Variants in ZNF738 observed in about 807,000 individuals in gnomAD.
ZNF738 encodes the protein zinc finger protein 738.
ZNF738 carries 10 observed loss-of-function variants against 9.2 expected under a neutral mutation model. The observed-to-expected ratio is 1.09, with a 90% CI of 0.67 to 1.85. The LOEUF is 1.85. Among genes scored for constraint, ZNF738 ranks in the 40% most tolerant of loss-of-function variants. The probability of loss-of-function intolerance (pLI) is 0.00; values close to 1 mark genes in which losing one functional copy is unlikely to be tolerated. For missense variants in ZNF738, 346 were observed against 283.6 expected (o/e 1.22, Z -1.58); for synonymous variants, 113 against 94.5 (o/e 1.20, Z -1.14).
At chr19:21,369,816 CT>C (rs548346186) in intron 2 of ZNF738, among the ~76,000 whole-genome samples, 488 of 138,072 alleles carry the variant, frequency 3.5e-3, no homozygotes, top group Middle Eastern at 7.6e-3. Context: ...CAGCTTCATT[CT>C]TTTTTTTTTT....
At chr19:21,359,336 G>A (rs1053113441) in intron 1 of ZNF738, among the ~76,000 whole-genome samples, 193 bp downstream of exon 1, 1 of 152,188 alleles carries the variant, frequency 6.6e-6, no homozygotes, top group Admixed American at 6.5e-5. Context: ...GCCCCCGGGC[G>A]TCCTGTCTCT....
chr19:21,375,816 A>T lies in ZNF738; in HGVS notation c.224-53A>T. ...CTCTTTACTAAGCACAGTAATAGGT[A>T]GGTAATTAGAGAATATGAGCAAGAT... is the stretch of plus-strand genomic sequence containing the variant. On this transcript the variant is annotated intron_variant, in intron 3 of 4. Coordinates refer to ENST00000683779, the MANE Select transcript of ZNF738 (RefSeq NM_001355237.2). The T allele has an allele frequency of 5.3e-6, 4 of 750,778 alleles. No homozygotes were observed. In the South Asian group the frequency reaches 5.7e-5, roughly 11 times the overall value. The allele number at this position is 750,778 out of a possible 1,614,324, so 46.5% of individuals were successfully genotyped here. A position where few individuals can be genotyped will look rare whatever the true frequency, so the allele number is the denominator to read the frequency against.
intron 2 of ZNF738, chr19:21,372,157 G>A (rs1425120122): frequency 6.6e-6 from 1 of 152,058 alleles, no homozygotes; most frequent in Non-Finnish European, 1.5e-5. Context: ...GGTCAGGCTG[G>A]TCTTGAACTC....
chr19:21,380,694 A>G (rs1162000051), intron 4 of ZNF738, among the ~76,000 whole-genome samples: 2 of 152,214 alleles, frequency 1.3e-5, no homozygotes, highest in African/African-American at 2.4e-5. Context: ...TTTGCCCGGT[A>G]CTATTATAGG....
chr19:21,388,083 T>C lies in ZNF738; in HGVS notation c.*4409T>C, dbSNP rs1974088404. ...ATATAAGGAACTGACACTGCAGATA[T>C]ACTAAGTCAAGAGTTCTGAGTATAG... On this transcript the variant is annotated 3_prime_UTR_variant, in exon 5 of 5. Coordinates refer to ENST00000683779, the MANE Select transcript of ZNF738 (RefSeq NM_001355237.2). 1.3e-5 allele frequency among the ~76,000 whole-genome samples: 2 copies of C among 152,154 alleles called. No homozygotes were observed. Among genetic ancestry groups the C allele is most frequent in the Admixed American group, 1.3e-4 (2 of 15,270 alleles).
Position 21,377,350 on chromosome 19 carries a change from CACTT to C in ZNF738, c.319+1390_319+1393del, listed in dbSNP as rs1228939527. The C allele has an allele frequency of 4.6e-6, 3 of 650,384 alleles. No homozygotes were observed. The East Asian group carries it at 8.5e-5, about 18-fold the overall frequency. The allele number at this position is 650,384 out of a possible 1,614,324, so 40.3% of individuals were successfully genotyped here. On this transcript the variant is annotated intron_variant, in intron 4 of 4. Coordinates refer to ENST00000683779, the MANE Select transcript of ZNF738 (RefSeq NM_001355237.2). The stretch of plus-strand genomic sequence containing the variant: ...TTATACTGCCTTCAGTTCCTCTCTT[CACTT>C]ACTAATATTCTGTCTTGTTTTATTT...
In ZNF738 at chr19:21,383,572, A is replaced by C; in HGVS notation, c.1026A>C (p.Lys342Asn). 9.7e-7 allele frequency: 1 copy of C among 1,029,124 alleles called. No individual in the cohort carries two copies. Among genetic ancestry groups the C allele is most frequent in the Non-Finnish European group, 1.5e-6 (1 of 664,176 alleles). The allele number at this position is 1,029,124 out of a possible 1,614,324, so 63.7% of individuals were successfully genotyped here. ...ATAAGATAATTCATACTGGAGAGAA[A>C]CCCTACAAATGTGAGGAATGTGGCA... ...TKHKIIHTGE[K>N]PYKCEECGKA... is the part of the protein sequence containing the mutation. Residue 342 changes from lysine to asparagine, a missense_variant, in exon 5 of 5, where the codon AAA (lysine) becomes AAC (asparagine). By Grantham distance (94) the Lys-to-Asn change is moderately conservative (BLOSUM62 0). Coordinates refer to ENST00000683779, the MANE Select transcript of ZNF738 (RefSeq NM_001355237.2).
intron 4 of ZNF738, chr19:21,381,128 A>T (rs1279343988): frequency 2.6e-6 from 2 of 782,584 alleles, no homozygotes; most frequent in Non-Finnish European, 4.2e-6. Context: ...GCAGCAGCAC[A>T]TTAAGCACGT....
In ZNF738 at chr19:21,387,910, A is replaced by G. The variant is rs1177232433; in HGVS notation, c.*4236A>G. ...TATATTGGAAAAGTGTCTTGCAGAT[A>G]TAATAAATGTGGAAAAACACTTTTT... On this transcript the variant is annotated 3_prime_UTR_variant, in exon 5 of 5. Coordinates refer to ENST00000683779, the MANE Select transcript of ZNF738 (RefSeq NM_001355237.2). Among the ~76,000 whole-genome samples, 1 of 152,222 alleles carries G rather than the reference A, an allele frequency of 6.6e-6. No homozygotes were observed. Among genetic ancestry groups the G allele is most frequent in the African/African-American group, 2.4e-5 (1 of 41,470 alleles).
At chr19:21,362,389 TAAGAACTTGC>T (rs1161542784) in intron 2 of ZNF738, among the ~76,000 whole-genome samples, 1 of 152,140 alleles carries the variant, frequency 6.6e-6, no homozygotes, top group Non-Finnish European at 1.5e-5. Context: ...TGAGATGGTG[TAAGAACTTGC>T]AAAGTAAAAT....
intron 2 of ZNF738, among the ~76,000 whole-genome samples, chr19:21,373,695 A>AT (rs1352209221): frequency 1.3e-5 from 2 of 151,662 alleles, no homozygotes; most frequent in Non-Finnish European, 2.9e-5. Flanking sequence ...CTTTTAAGGA[A>AT]TTTTTTCAAG....
At chr19:21,361,713 T>C (rs1323771654) in intron 1 of ZNF738, 53 bp from the exon 2 acceptor site, 4 of 773,954 alleles carry the variant, frequency 5.2e-6, no homozygotes, top group Non-Finnish European at 9.7e-6. Flanking sequence ...GCCATGGTTA[T>C]GTCAGCTAGA....
intron 2 of ZNF738, among the ~76,000 whole-genome samples, chr19:21,368,319 C>A (rs114976044): frequency 0.013 from 1,989 of 152,132 alleles, 48 homozygotes; most frequent in African/African-American, 0.042. Flanking sequence ...TTTAGCTCTT[C>A]CTTATAAATG....
At chr19:21,380,937 G>T (rs1973995184) in intron 4 of ZNF738, among the ~76,000 whole-genome samples, 2 of 152,102 alleles carry the variant, frequency 1.3e-5, no homozygotes, top group South Asian at 4.1e-4. Context: ...GGATAAACAG[G>T]TGCCCAGGAA....
At position 21,383,296 on chromosome 19, in the gene ZNF738, CAA is replaced by C; in HGVS notation, c.751_752del (p.Lys251GlufsTer12). 6.5e-7 allele frequency: 1 copy of C among 1,533,970 alleles called. No homozygotes were observed. On this transcript the variant is annotated frameshift_variant, in exon 5 of 5. Transcript: ENST00000683779. LOFTEE classifies it low-confidence loss of function (END_TRUNC). ...AATGGTTCTCAACCCTTACTAGACA[CAA>C]GAGAATTCATACTGGAGACAAATCC... is the stretch of plus-strand genomic sequence containing the variant. Reference protein sequence around the residue: ...FKWFSTLTRHKRIHTGDKSYK... With the variant: ...FKWFSTLTRHXRIHTGDKSYK...
In ZNF738 at chr19:21,382,967, GAT is replaced by G; in HGVS notation, c.422_423del (p.Asp141ValfsTer8). The G allele has an allele frequency of 1.5e-6, 1 of 658,172 alleles. No individual in the cohort carries two copies. 40.8% of individuals were successfully genotyped at this position (658,172 alleles called of 1,614,324 possible). On this transcript the variant is annotated frameshift_variant, in exon 5 of 5. Coordinates refer to ENST00000683779, the MANE Select transcript of ZNF738 (RefSeq NM_001355237.2). LOFTEE classifies it low-confidence loss of function (END_TRUNC). ...AGAATATGGAAATTATGGACATAAAGATTTACAGTTAAGAAAAGGCTGTAAAA... is the reference window on the plus strand; with the variant it reads ...AGAATATGGAAATTATGGACATAAAGTTACAGTTAAGAAAAGGCTGTAAAA... ...LREYGNYGHK[D>X]LQLRKGCKSV...
intron 4 of ZNF738, among the ~76,000 whole-genome samples, chr19:21,380,327 AAAG>A (rs925106858): frequency 6.6e-6 from 1 of 152,244 alleles, no homozygotes; most frequent in Non-Finnish European, 1.5e-5. Context: ...GTGACCAAAT[AAAG>A]AAGTCAGACC....
chr19:21,371,473 G>A (rs1162934632), intron 2 of ZNF738, among the ~76,000 whole-genome samples: 1 of 152,220 alleles, frequency 6.6e-6, no homozygotes, highest in Non-Finnish European at 1.5e-5. Flanking sequence ...TTGTTACCCA[G>A]ATGAGAGTTT....
At position 21,359,034 on chromosome 19, in the gene ZNF738, T is replaced by C; in HGVS notation, c.-107T>C. 1.2e-6 allele frequency: 1 copy of C among 802,994 alleles called. No individual in the cohort carries two copies. The highest frequency in any genetic ancestry group is 2.2e-6 in the Non-Finnish European group (1 of 446,584). 49.7% of individuals were successfully genotyped at this position (802,994 alleles called of 1,614,324 possible). On this transcript the variant is annotated 5_prime_UTR_variant, in exon 1 of 5. Transcript: ENST00000683779. ...TGCCGCTGGAACTCCGGGTCTCGTC[T>C]TCACTGCTCTGTGTCCTCTGCTCCT... is the stretch of plus-strand genomic sequence containing the variant.
Sources: allele counts gnomAD v4.1 joint callset (sites outside exome capture counted in the v4.1 genomes callset), GRCh38; gene constraint gnomAD v4.1.1; transcripts MANE v1.5; gene names NCBI Gene and HGNC (gene_info 2026-07-23, HGNC 2026-07-21).